TSPEAR: variants seen among roughly 807,000 people sequenced by gnomAD.
TSPEAR encodes thrombospondin type laminin G domain and EAR repeats, also known as thrombospondin-type laminin G domain and EAR repeat-containing protein.
A neutral mutation model predicts 71.6 loss-of-function variants in TSPEAR; 69 were observed. The observed-to-expected ratio is 0.96, with a 90% CI of 0.79 to 1.18. The LOEUF (loss-of-function observed/expected upper bound fraction) is 1.18. Ranked by LOEUF, TSPEAR falls within the 50% of genes most tolerant of loss-of-function variation. The pLI, the probability that TSPEAR is intolerant of heterozygous loss-of-function variation, is 0.00. For missense variants in TSPEAR, 971 were observed against 894.9 expected (o/e 1.09, Z -1.09); for synonymous variants, 402 against 387.2 (o/e 1.04, Z -0.45).
intron 1 of TSPEAR, among the ~76,000 whole-genome samples, chr21:44,661,176 C>T (rs1312365538): frequency 2.1e-5 from 3 of 142,428 alleles, no homozygotes; most frequent in African/African-American, 5.3e-5. Flanking sequence ...CGGGAGGCTG[C>T]GGCAGGAGAA....
chr21:44,508,383 T>G, intron 10 of TSPEAR: 1 of 689,452 alleles, frequency 1.5e-6, no homozygotes, highest in Admixed American at 5.3e-5. Flanking sequence ...TGTTACCGAA[T>G]GAAATAGGAG....
Position 44,602,138 on chromosome 21 carries a change from G to A in TSPEAR, c.83-34133C>T, listed in dbSNP as rs1601473457. On this transcript the variant is annotated intron_variant, in intron 1 of 11. Coordinates refer to ENST00000323084, the MANE Select transcript of TSPEAR (RefSeq NM_144991.3). ...CTGTCTTCCCTGACCACGGGAGCAGGTCAGACCCTTCTAATAAACTCCTTT... is the reference window on the plus strand; with the variant it reads ...CTGTCTTCCCTGACCACGGGAGCAGATCAGACCCTTCTAATAAACTCCTTT... 1.0e-5 allele frequency: 3 copies of A among 290,510 alleles called. No individual in the cohort carries two copies. In the East Asian group the frequency reaches 2.2e-4, roughly 21 times the overall value. 18.0% of individuals were successfully genotyped at this position (290,510 alleles called of 1,614,324 possible).
At chr21:44,525,024 T>C (rs1010688509) in intron 8 of TSPEAR, among the ~76,000 whole-genome samples, 2 of 150,768 alleles carry the variant, frequency 1.3e-5, no homozygotes, top group African/African-American at 2.4e-5. Flanking sequence ...GTCAGATAGT[T>C]AGTCATTCAG....
intron 1 of TSPEAR, among the ~76,000 whole-genome samples, chr21:44,603,660 G>T (rs371671665): frequency 2.0e-5 from 3 of 152,174 alleles, no homozygotes; most frequent in African/African-American, 7.2e-5. Context: ...GAGGAAGGGC[G>T]TGCCAGGGTG....
At chr21:44,524,140 TAGTC>T (rs373908929) in intron 8 of TSPEAR, among the ~76,000 whole-genome samples, 23 of 151,086 alleles carry the variant, frequency 1.5e-4, no homozygotes, top group African/African-American at 4.6e-4. Flanking sequence ...GTCAGTGAGG[TAGTC>T]AGTCAGCTAG....
chr21:44,630,347 G>T (rs1051004140), intron 1 of TSPEAR, among the ~76,000 whole-genome samples: 1 of 152,194 alleles, frequency 6.6e-6, no homozygotes, highest in Non-Finnish European at 1.5e-5. Flanking sequence ...CTACACAGAG[G>T]CTTGGTCAGA....
At chr21:44,676,897 A>T in intron 1 of TSPEAR, 1 of 884,376 alleles carries the variant, frequency 1.1e-6, no homozygotes, top group South Asian at 1.3e-5. Context: ...CTCTCTGTTC[A>T]GCTGATCGAT....
chr21:44,656,739 A>AT (rs1231540372), intron 1 of TSPEAR, among the ~76,000 whole-genome samples: 2 of 151,996 alleles, frequency 1.3e-5, no homozygotes, highest in Non-Finnish European at 2.9e-5. Context: ...TTGGGCCATT[A>AT]TTTTTTTGAA....
At chr21:44,707,302 T>TGGGGGG (rs781918079) in intron 1 of TSPEAR, among the ~76,000 whole-genome samples, 1 of 135,936 alleles carries the variant, frequency 7.4e-6, no homozygotes, top group South Asian at 2.5e-4. Context: ...GGACGCGGGG[T>TGGGGGG]GGGGGGGGGT....
intron 1 of TSPEAR, among the ~76,000 whole-genome samples, chr21:44,608,895 A>G (rs1049600782): frequency 6.6e-6 from 1 of 152,266 alleles, no homozygotes; most frequent in African/African-American, 2.4e-5. Flanking sequence ...TAGTAAAAAT[A>G]TCAGTGAAAA....
chr21:44,525,531 T>C, intron 8 of TSPEAR, 122 bp downstream of exon 8: 1 of 1,086,482 alleles, frequency 9.2e-7, no homozygotes, highest in Non-Finnish European at 1.3e-6. Context: ...CCAGAACGCA[T>C]GTTCACCCTG....
intron 1 of TSPEAR, among the ~76,000 whole-genome samples, chr21:44,615,113 C>A (rs186917741): frequency 9.7e-4 from 148 of 152,328 alleles, no homozygotes; most frequent in Non-Finnish European, 1.8e-3. Flanking sequence ...ATGTGAGAGG[C>A]CCTCCTGGAC....
At chr21:44,540,025 G>T (rs1555917023) in intron 2 of TSPEAR, 1 of 1,613,104 alleles carries the variant, frequency 6.2e-7, no homozygotes, top group South Asian at 1.1e-5. Context: ...CCAGGGTCAG[G>T]CAGGGGGCCG....
intron 1 of TSPEAR, chr21:44,646,288 C>A: frequency 1.1e-6 from 1 of 918,998 alleles, no homozygotes; most frequent in Non-Finnish European, 1.6e-6. Flanking sequence ...CTCCAGCCAC[C>A]AGCTGTAAAC....
chr21:44,516,371 G>A (rs2052570567), intron 9 of TSPEAR: 1 of 152,372 alleles, frequency 6.6e-6, no homozygotes. Flanking sequence ...CCTGCTTAGG[G>A]TCTGTGGCAA....
chr21:44,633,886 T>C (rs1983393819), intron 1 of TSPEAR, among the ~76,000 whole-genome samples: 1 of 152,186 alleles, frequency 6.6e-6, no homozygotes, highest in Non-Finnish European at 1.5e-5. Flanking sequence ...CTTCTTTCCA[T>C]TTATGCTTGA....
intron 2 of TSPEAR, among the ~76,000 whole-genome samples, chr21:44,567,474 G>A (rs1260213528): frequency 6.6e-6 from 1 of 152,200 alleles, no homozygotes. Flanking sequence ...GGTCTACAAA[G>A]TGTCCCTTTT....
At chr21:44,634,979 C>G (rs1569231521) in intron 1 of TSPEAR, among the ~76,000 whole-genome samples, 3 of 152,178 alleles carry the variant, frequency 2.0e-5, no homozygotes, top group Non-Finnish European at 4.4e-5. Context: ...TTCCATACAA[C>G]TCATCAGTTC....
intron 1 of TSPEAR, among the ~76,000 whole-genome samples, chr21:44,571,143 G>A (rs587647749): frequency 4.6e-5 from 7 of 152,350 alleles, no homozygotes; most frequent in African/African-American, 1.7e-4. Context: ...CAAAGGCATT[G>A]CAATAAGAGA....
Sources: allele counts gnomAD v4.1 joint callset (sites outside exome capture counted in the v4.1 genomes callset), GRCh38; gene constraint gnomAD v4.1.1; transcripts MANE v1.5; gene names NCBI Gene and HGNC (gene_info 2026-07-23, HGNC 2026-07-21).